The following SPINK5 variants were observed in gnomAD, a reference collection of about 807,000 sequenced individuals.
SPINK5 encodes the protein serine peptidase inhibitor Kazal type 5.
A neutral mutation model predicts 151.8 loss-of-function variants in SPINK5; 125 were observed. The ratio of observed to expected loss-of-function variants is 0.82; its 90% CI spans 0.71 to 0.96. The LOEUF is 0.96. Among genes scored for constraint, SPINK5 ranks in the 40% least tolerant of loss-of-function variants. The pLI, the probability that SPINK5 is intolerant of heterozygous loss-of-function variation, is 0.00. For synonymous variants in SPINK5, 374 were observed against 395.3 expected (o/e 0.95, Z 0.64); for missense variants, 1,194 against 1,291.9 (o/e 0.92, Z 1.16).
chr5:148,066,316 A>G (rs577117081), intron 2 of SPINK5, among the ~76,000 whole-genome samples: 2 of 152,296 alleles, frequency 1.3e-5, no homozygotes, highest in African/African-American at 4.8e-5. Context: ...CACATTTTAT[A>G]TATTTATATA....
intron 28 of SPINK5, 160 bp from the exon 29 acceptor site, chr5:148,125,563 A>C (rs573618425): frequency 3.8e-5 from 62 of 1,614,012 alleles, no homozygotes; most frequent in Non-Finnish European, 5.2e-5. Flanking sequence ...GGAGGATGCA[A>C]AATTTAGACA....
intron 4 of SPINK5, among the ~76,000 whole-genome samples, chr5:148,073,399 A>G (rs1752791829): frequency 6.6e-6 from 1 of 151,920 alleles, no homozygotes; most frequent in Admixed American, 6.6e-5. Flanking sequence ...AACAGACACC[A>G]CAAAATTGAT....
chr5:148,082,997 T>C (rs192582746), intron 4 of SPINK5, among the ~76,000 whole-genome samples: 1 of 151,296 alleles, frequency 6.6e-6, no homozygotes, highest in Admixed American at 6.6e-5. Flanking sequence ...TTTTTTTACT[T>C]AATATATAAA....
intron 15 of SPINK5, among the ~76,000 whole-genome samples, chr5:148,103,882 A>T (rs1038031343): frequency 1.3e-5 from 2 of 152,048 alleles, no homozygotes; most frequent in Admixed American, 6.6e-5. Flanking sequence ...AAATTATGTA[A>T]TTTTTTTCTA....
Position 148,116,410 on chromosome 5 carries a change from G to C in SPINK5, c.2056G>C (p.Asp686His), listed in dbSNP as rs780674044. Residue 686 changes from aspartate (D) to histidine (H), a missense_variant, in exon 22 of 33, where the codon GAT (aspartate) becomes CAT (histidine). By Grantham distance (81) the Asp-to-His change is moderately conservative. Transcript: ENST00000256084. ...GGAAAGAAAGAGGAAAGAAGAGGAA[G>C]ATCAGAGAAATGCTGCAGGACATGG... Reference protein sequence around the residue: ...NEERKRKEEEDQRNAAGHGSS... With the variant: ...NEERKRKEEEHQRNAAGHGSS... The C allele has an allele frequency of 6.8e-6, 11 of 1,614,074 alleles. No individual in the cohort carries two copies. Among genetic ancestry groups the C allele is most frequent in the Non-Finnish European group, 9.3e-6 (11 of 1,180,012 alleles).
At chr5:148,134,398 G>A (rs1409930863) in intron 32 of SPINK5, among the ~76,000 whole-genome samples, 1 of 152,154 alleles carries the variant, frequency 6.6e-6, no homozygotes, top group African/African-American at 2.4e-5. Context: ...TATTTGAATA[G>A]TCATCCTCAG....
chr5:148,083,464 G>A (rs74871842), intron 4 of SPINK5, among the ~76,000 whole-genome samples: 2,747 of 150,990 alleles, frequency 0.018, 71 homozygotes, highest in African/African-American at 0.063. Context: ...AAATATTTTC[G>A]GTTACTATAT....
At position 148,133,855 on chromosome 5, in the gene SPINK5, C is replaced by T. The variant is rs1236543175; in HGVS notation, c.3154C>T (p.Pro1052Ser). The change falls in exon 32 of 33, where the codon CCA becomes TCA. Residue 1052 changes from proline to serine, a missense_variant. Pro to Ser is a moderately conservative substitution (Grantham distance 74). Transcript: ENST00000256084. The stretch of plus-strand genomic sequence containing the variant: ...AGGGAAGTGTGAGGAGAGCAGCACC[C>T]CAGGAACCACCGCAGCCAGCATGCC... ...STGKCEESST[P>S]GTTAASMPPS... 1 of 1,613,844 alleles carries T rather than the reference C, an allele frequency of 6.2e-7. No homozygotes were observed. Among genetic ancestry groups the T allele is most frequent in the African/African-American group, 1.3e-5 (1 of 74,884 alleles).
chr5:148,092,345 T>C (rs896482928), intron 8 of SPINK5, among the ~76,000 whole-genome samples: 2 of 151,992 alleles, frequency 1.3e-5, no homozygotes, highest in Non-Finnish European at 2.9e-5. Flanking sequence ...CATCTACAGT[T>C]TATGCAACAC....
chr5:148,117,537 GAATA>G (rs1208872939), intron 22 of SPINK5, among the ~76,000 whole-genome samples: 1 of 152,108 alleles, frequency 6.6e-6, no homozygotes, highest in African/African-American at 2.4e-5. Context: ...AATAATATCT[GAATA>G]AATGAGTGAG....
In SPINK5 at chr5:148,097,851, C is replaced by A; in HGVS notation, c.883-16C>A. The A allele has an allele frequency of 1.3e-6, 2 of 1,597,778 alleles. No homozygotes were observed. The highest frequency in any genetic ancestry group is 1.3e-5 in the African/African-American group (1 of 74,502). ...AAACAGAACTATATCTCAACTTTTT[C>A]TTATTCATTATTCAGAAACTCTGCA... On this transcript the variant is annotated splice_polypyrimidine_tract_variant and intron_variant, in intron 10 of 32. Transcript: ENST00000256084.
intron 23 of SPINK5, among the ~76,000 whole-genome samples, 153 bp from the exon 24 acceptor site, chr5:148,118,833 A>C (rs1754172529): frequency 6.6e-6 from 1 of 152,176 alleles, no homozygotes; most frequent in African/African-American, 2.4e-5. Flanking sequence ...ATTGTGCCAG[A>C]ATCCTAGGAA....
Position 148,083,580 on chromosome 5 carries a change from C to T in SPINK5, c.283-2825C>T, listed in dbSNP as rs117372858. ...ATACTTTTGATTATTTATTCTATTG[C>T]TAATATCTGTGTCTATTGTCAATTT... On this transcript the variant is annotated intron_variant, in intron 4 of 32. Coordinates refer to ENST00000256084, the MANE Select transcript of SPINK5 (RefSeq NM_006846.4). 2.8e-4 allele frequency among the ~76,000 whole-genome samples: 42 copies of T among 151,448 alleles called. No homozygotes were observed. The East Asian group carries it at 7.8e-3, about 28-fold the overall frequency.
Position 148,065,358 on chromosome 5 carries a change from A to T in SPINK5, c.67A>T (p.Lys23Ter), listed in dbSNP as rs1482249008. 6.2e-6 allele frequency: 10 copies of T among 1,613,388 alleles called. No homozygotes were observed. The highest frequency in any genetic ancestry group is 8.5e-6 in the Non-Finnish European group (10 of 1,179,780). ...ALCLIQDAAS[K>*]NEDQEMCHEF... ...TATTTTCATCCCAGATGCTGCCAGT[A>T]AGAATGAAGATCAGGTTAGTCCTGC... The change falls in exon 2 of 33, where the codon AAG becomes TAG. Residue 23 changes from lysine (K) to a stop codon, truncating the protein, a stop_gained. Coordinates refer to ENST00000256084, the MANE Select transcript of SPINK5 (RefSeq NM_006846.4). LOFTEE classifies it high-confidence loss of function.
chr5:148,080,638 T>C (rs1752995375), intron 4 of SPINK5, among the ~76,000 whole-genome samples: 1 of 151,406 alleles, frequency 6.6e-6, no homozygotes, highest in Non-Finnish European at 1.5e-5. Flanking sequence ...ACACAAAAGT[T>C]AACTTAAATT....
intron 29 of SPINK5, 77 bp downstream of exon 29, chr5:148,125,927 G>C (rs1754420036): frequency 8.8e-6 from 14 of 1,596,684 alleles, no homozygotes; most frequent in Non-Finnish European, 1.2e-5. Context: ...GAATAAGTTT[G>C]TATATTTATG....
At chr5:148,116,493 CTG>C (rs764095778) in intron 22 of SPINK5, 27 bp downstream of exon 22, 1 of 1,608,794 alleles carries the variant, frequency 6.2e-7, no homozygotes, top group Admixed American at 1.7e-5. Context: ...ATTTCAGTAA[CTG>C]GGGCGGGCTC....
At chr5:148,092,049 C>T (rs748703437) in intron 8 of SPINK5, among the ~76,000 whole-genome samples, 1 of 151,782 alleles carries the variant, frequency 6.6e-6, no homozygotes, top group African/African-American at 2.4e-5. Flanking sequence ...AAATAATCAT[C>T]CTGGGCCTTA....
chr5:148,131,413 A>G (rs1319745298), intron 31 of SPINK5, 24 bp downstream of exon 31: 2 of 1,613,518 alleles, frequency 1.2e-6, no homozygotes, highest in Admixed American at 1.7e-5. Flanking sequence ...TTGCCCCATC[A>G]TATCTTCCAG....
Sources: gnomAD v4.1 joint callset for allele counts (sites outside exome capture counted in the v4.1 genomes callset) on GRCh38, gnomAD v4.1.1 for gene constraint, MANE v1.5 for transcripts, NCBI Gene and HGNC (gene_info 2026-07-23, HGNC 2026-07-21) for gene names.